The following FHOD3 variants were observed in gnomAD, a reference collection of about 807,000 sequenced individuals.
FHOD3 encodes formin homology 2 domain containing 3.
In FHOD3, 90 loss-of-function variants were observed where a neutral mutation model predicts 173.0. That is an observed-to-expected ratio of 0.52 (90% CI 0.44 to 0.62). The LOEUF is 0.62. FHOD3 is among the 20% of genes least tolerant of loss of function. FHOD3 has a pLI of 0.00. For missense variants in FHOD3, 1,945 were observed against 2,034.7 expected (o/e 0.96, Z 0.85); for synonymous variants, 828 against 823.0 (o/e 1.01, Z -0.10).
intron 9 of FHOD3, among the ~76,000 whole-genome samples, chr18:36,615,030 G>A (rs1212406103): frequency 6.6e-6 from 1 of 151,636 alleles, no homozygotes; most frequent in African/African-American, 2.4e-5. Context: ...TTGTGTTTTT[G>A]GTAGAGATGG....
intron 5 of FHOD3, among the ~76,000 whole-genome samples, chr18:36,524,376 T>C (rs2056417460): frequency 6.6e-6 from 1 of 151,910 alleles, no homozygotes; most frequent in East Asian, 1.9e-4. Context: ...CTAGTGTTAG[T>C]TTATATTCAG....
intron 5 of FHOD3, among the ~76,000 whole-genome samples, chr18:36,557,467 T>C (rs938626433): frequency 6.6e-6 from 1 of 152,238 alleles, no homozygotes. Context: ...TTGGAAATTG[T>C]GGTTTCATCT....
At chr18:36,325,372 T>G (rs1390210092) in intron 1 of FHOD3, among the ~76,000 whole-genome samples, 2 of 152,192 alleles carry the variant, frequency 1.3e-5, no homozygotes, top group Non-Finnish European at 2.9e-5. Flanking sequence ...ATACCTTGGC[T>G]TTTGTAATTT....
intron 1 of FHOD3, among the ~76,000 whole-genome samples, chr18:36,352,441 G>A (rs1432634110): frequency 6.6e-6 from 1 of 152,188 alleles, no homozygotes; most frequent in Non-Finnish European, 1.5e-5. Flanking sequence ...CTGTGTGGTA[G>A]AAATGCTGTA....
intron 3 of FHOD3, among the ~76,000 whole-genome samples, chr18:36,493,586 C>T (rs977857842): frequency 1.3e-5 from 2 of 152,098 alleles, no homozygotes; most frequent in Non-Finnish European, 2.9e-5. Flanking sequence ...TGTCTTGGGT[C>T]GTGTTTCAGA....
At position 36,709,341 on chromosome 18, in the gene FHOD3, C is replaced by T. The variant is rs186506465; in HGVS notation, c.2483C>T (p.Thr828Met). 1.1e-5 allele frequency: 17 copies of T among 1,614,216 alleles called. No homozygotes were observed. The highest frequency in any genetic ancestry group is 6.7e-5 in the East Asian group (3 of 44,894). The change falls in exon 18 of 29, where the codon ACG becomes ATG. Residue 828 changes from threonine (T) to methionine (M), a missense_variant. By Grantham distance (81) the Thr-to-Met change is moderately conservative. Around this residue, in one of 5 missense-constraint regions of FHOD3, gnomAD observed 1,099 missense variants for 1,051.2 expected, o/e 1.05. Coordinates refer to ENST00000590592, the MANE Select transcript of FHOD3 (RefSeq NM_001281740.3). ...SASSVSSSSS[T>M]LEREEKEDKL... ...TCCAGCGTCTCGTCCTCCAGCAGCA[C>T]GTTGGAGAGGGAGGAGAAGGAGGAC... is the stretch of plus-strand genomic sequence containing the variant.
intron 8 of FHOD3, 62 bp downstream of exon 8, chr18:36,602,830 C>A: frequency 7.8e-7 from 1 of 1,275,650 alleles, no homozygotes; most frequent in Non-Finnish European, 1.1e-6. Flanking sequence ...AAGCCCTGAC[C>A]CCTGGTATCT....
At chr18:36,688,505 T>C (rs2038768963) in intron 16 of FHOD3, among the ~76,000 whole-genome samples, 1 of 152,212 alleles carries the variant, frequency 6.6e-6, no homozygotes, top group Non-Finnish European at 1.5e-5. Context: ...AATAACCAGT[T>C]GTGGCTGGCA....
chr18:36,449,732 T>G (rs1233638924), intron 3 of FHOD3, among the ~76,000 whole-genome samples: 1 of 152,162 alleles, frequency 6.6e-6, no homozygotes, highest in Non-Finnish European at 1.5e-5. Context: ...TACATAATAA[T>G]TAGTTTGTTC....
intron 5 of FHOD3, among the ~76,000 whole-genome samples, chr18:36,570,210 AACTTC>A (rs1023520628): frequency 1.4e-4 from 21 of 152,094 alleles, no homozygotes; most frequent in African/African-American, 4.6e-4. Context: ...AAGGGGATTA[AACTTC>A]ACTTCAATGA....
chr18:36,440,446 G>A (rs558462917), intron 3 of FHOD3, among the ~76,000 whole-genome samples: 3 of 152,230 alleles, frequency 2.0e-5, no homozygotes, highest in Non-Finnish European at 4.4e-5. Context: ...GGGAGGGAAA[G>A]GGCGTGGGGC....
At chr18:36,546,334 T>G (rs1168908782) in intron 5 of FHOD3, among the ~76,000 whole-genome samples, 1 of 152,182 alleles carries the variant, frequency 6.6e-6, no homozygotes, top group Non-Finnish European at 1.5e-5. Context: ...CATAGTTCCT[T>G]TTTTTTGTCG....
chr18:36,401,558 C>T (rs2048812618), intron 3 of FHOD3, among the ~76,000 whole-genome samples: 1 of 152,196 alleles, frequency 6.6e-6, no homozygotes, highest in African/African-American at 2.4e-5. Context: ...GAGGCTGATT[C>T]CCAGGATCTT....
chr18:36,457,455 G>T (rs118068707), intron 3 of FHOD3, among the ~76,000 whole-genome samples: 3 of 152,020 alleles, frequency 2.0e-5, no homozygotes, highest in African/African-American at 7.3e-5. Context: ...ACAAGCTTCC[G>T]TACAGAACAT....
In FHOD3 at chr18:36,297,775, GGCGTCCCGGCCCGCGGCCCCGCT is replaced by G; in HGVS notation, c.-60_-38del. On this transcript the variant is annotated 5_prime_UTR_variant, in exon 1 of 29. Coordinates refer to ENST00000590592, the MANE Select transcript of FHOD3 (RefSeq NM_001281740.3). ...GGCCTCCCCTGCGCGCAGCTACCCG[GGCGTCCCGGCCCGCGGCCCCGCT>G]AACCCCGGGGCCCGCGCCCCCGCGG... 1 of 1,408,142 alleles carries G rather than the reference GGCGTCCCGGCCCGCGGCCCCGCT, an allele frequency of 7.1e-7. No individual in the cohort carries two copies. The highest frequency in any genetic ancestry group is 9.4e-7 in the Non-Finnish European group (1 of 1,068,430). 87.2% of individuals were successfully genotyped at this position (1,408,142 alleles called of 1,614,324 possible). A position where few individuals can be genotyped will look rare whatever the true frequency, so the allele number is the denominator to read the frequency against.
chr18:36,453,216 A>G (rs1423283334), intron 3 of FHOD3, among the ~76,000 whole-genome samples: 1 of 152,210 alleles, frequency 6.6e-6, no homozygotes, highest in Non-Finnish European at 1.5e-5. Flanking sequence ...GTCAGTTGCC[A>G]TGGAGGCATT....
intron 5 of FHOD3, among the ~76,000 whole-genome samples, chr18:36,521,291 C>T (rs1246172401): frequency 6.6e-6 from 1 of 152,168 alleles, no homozygotes; most frequent in Non-Finnish European, 1.5e-5. Context: ...CCTGGCTACT[C>T]TCCAATGCCT....
intron 17 of FHOD3, among the ~76,000 whole-genome samples, chr18:36,701,057 G>A (rs936343077): frequency 3.3e-5 from 5 of 152,362 alleles, no homozygotes; most frequent in East Asian, 3.9e-4. Flanking sequence ...GGCAGGGCAC[G>A]TGCCTGTGCC....
intron 5 of FHOD3, among the ~76,000 whole-genome samples, chr18:36,519,955 A>ATTTTTTTT (rs11449846): frequency 7.6e-6 from 1 of 132,072 alleles, no homozygotes; most frequent in African/African-American, 2.9e-5. Flanking sequence ...CTTTTCTTTC[A>ATTTTTTTT]TTTTTTTTTT....
Sources: gnomAD v4.1 joint callset for allele counts (sites outside exome capture counted in the v4.1 genomes callset) on GRCh38, gnomAD v4.1.1 for gene constraint, gnomAD v4.1.1 regional missense constraint, MANE v1.5 for transcripts, NCBI Gene and HGNC (gene_info 2026-07-23, HGNC 2026-07-21) for gene names.